OCA2: variants seen among roughly 807,000 people sequenced by gnomAD.
The protein encoded by OCA2 is P protein.
Under a neutral mutation model 100.2 loss-of-function variants are expected in OCA2, and 77 were observed. The observed-to-expected ratio is 0.77, with a 90% confidence interval of 0.64 to 0.93. The LOEUF (loss-of-function observed/expected upper bound fraction) is 0.93, where lower values mean the gene tolerates loss of function less well. Among genes scored for constraint, OCA2 ranks in the 40% least tolerant of loss-of-function variants. The pLI is 0.00. For synonymous variants in OCA2, 432 were observed against 439.2 expected, an observed-to-expected ratio of 0.98 and a Z score of 0.21; for missense variants, 1,062 against 1,089.1, an observed-to-expected ratio of 0.98 and a Z score of 0.35.
intron 23 of OCA2, among the ~76,000 whole-genome samples, chr15:27,808,927 G>C (rs2033967306): frequency 6.6e-6 from 1 of 152,132 alleles, no homozygotes; most frequent in Non-Finnish European, 1.5e-5. Flanking sequence ...TGGGATCGTG[G>C]GGTATGCCAT....
chr15:28,068,259 G>A lies in OCA2; in HGVS notation c.227+13389C>T, dbSNP rs1411604189. Reference sequence around the variant, plus strand: ...GAGAAGATCCAAATAAGCACAATCAGAAATGACGAAGATGACATTACAACT... The same window carrying A: ...GAGAAGATCCAAATAAGCACAATCAAAAATGACGAAGATGACATTACAACT... On this transcript the variant is annotated intron_variant, in intron 2 of 23. Transcript: ENST00000354638. 2.6e-5 allele frequency among the ~76,000 whole-genome samples: 4 copies of A among 152,202 alleles called. No individual in the cohort carries two copies. In the East Asian group the frequency reaches 7.7e-4, roughly 29 times the overall value.
intron 23 of OCA2, among the ~76,000 whole-genome samples, chr15:27,828,159 C>T (rs565919243): frequency 4.0e-4 from 61 of 152,320 alleles, no homozygotes; most frequent in African/African-American, 1.4e-3. Flanking sequence ...TTCCTACCTC[C>T]CGAACCCCTA....
At chr15:27,946,358 T>G in intron 18 of OCA2, among the ~76,000 whole-genome samples, 1 of 152,074 alleles carries the variant, frequency 6.6e-6, no homozygotes, top group East Asian at 1.9e-4. Context: ...AAACCTAACT[T>G]AATAGTATGC....
intron 2 of OCA2, among the ~76,000 whole-genome samples, chr15:28,069,561 C>T (rs868731192): frequency 0.057 from 8,001 of 139,238 alleles, 735 homozygotes; most frequent in African/African-American, 0.2. Context: ...TGCAGGCACG[C>T]GCCGCCACGC....
intron 18 of OCA2, among the ~76,000 whole-genome samples, chr15:27,943,302 A>G (rs1320180327): frequency 1.3e-5 from 2 of 152,210 alleles, no homozygotes; most frequent in Non-Finnish European, 2.9e-5. Flanking sequence ...AGGGATCTTC[A>G]GACCGATAGA....
chr15:27,963,270 C>T (rs901190764), intron 15 of OCA2, among the ~76,000 whole-genome samples: 1 of 152,146 alleles, frequency 6.6e-6, no homozygotes, highest in African/African-American at 2.4e-5. Context: ...ACATTATCAG[C>T]CAATCTGACC....
intron 1 of OCA2, 68 bp from the exon 2 acceptor site, chr15:28,081,963 GT>G (rs1413318378): frequency 7.8e-7 from 1 of 1,284,982 alleles, no homozygotes; most frequent in East Asian, 2.5e-5. Flanking sequence ...CACCTTGGGA[GT>G]CCGTACAATA....
At chr15:27,773,472 A>G (rs1271432538) in intron 23 of OCA2, among the ~76,000 whole-genome samples, 1 of 152,220 alleles carries the variant, frequency 6.6e-6, no homozygotes, top group Non-Finnish European at 1.5e-5. Flanking sequence ...ATTATTTACA[A>G]TATATGTCAT....
intron 23 of OCA2, among the ~76,000 whole-genome samples, chr15:27,771,731 CTTCT>C (rs1299918339): frequency 2.0e-5 from 3 of 152,128 alleles, no homozygotes; most frequent in Admixed American, 6.5e-5. Flanking sequence ...TGACTTTAAT[CTTCT>C]TTACCTCTGC....
the OCA2 span, among the ~76,000 whole-genome samples, chr15:27,734,286 CAAAAAAAAA>C: frequency 1.3e-5 from 1 of 76,370 alleles, no homozygotes; most frequent in Non-Finnish European, 2.6e-5. Context: ...TTTTCAAGAG[CAAAAAAAAA>C]AAAAAAAAAA....
rs2042344653 is a variant in OCA2, at chr15:28,014,943, C to T, written c.891-14G>A. 6.2e-7 allele frequency: 1 copy of T among 1,614,032 alleles called. No homozygotes were observed. Among genetic ancestry groups the T allele is most frequent in the South Asian group, 1.1e-5 (1 of 91,008 alleles). ...GACACCGTCTCTCTGCAGAACGAAA[C>T]AACGACCTTACTGTTCACAAGGTCA... is the stretch of plus-strand genomic sequence containing the variant. On this transcript the variant is annotated splice_polypyrimidine_tract_variant and intron_variant, in intron 8 of 23. Coordinates refer to ENST00000354638, the MANE Select transcript of OCA2 (RefSeq NM_000275.3).
At chr15:27,936,277 C>T (rs1351022602) in intron 18 of OCA2, among the ~76,000 whole-genome samples, 2 of 152,044 alleles carry the variant, frequency 1.3e-5, no homozygotes, top group African/African-American at 4.8e-5. Flanking sequence ...TAGGACAGGG[C>T]ACATGGGATG....
chr15:28,032,477 G>A (rs955564629), intron 2 of OCA2, among the ~76,000 whole-genome samples: 1 of 152,126 alleles, frequency 6.6e-6, no homozygotes, highest in Non-Finnish European at 1.5e-5. Context: ...TTCATGCAGA[G>A]CTTCTCATCA....
chr15:27,727,239 G>A, the OCA2 span, among the ~76,000 whole-genome samples: 2 of 152,218 alleles, frequency 1.3e-5, no homozygotes, highest in African/African-American at 2.4e-5. Flanking sequence ...CAGTCTCCTT[G>A]AGGATGAGAG....
chr15:27,984,291 G>C (rs1368875203), intron 13 of OCA2, among the ~76,000 whole-genome samples: 1 of 152,096 alleles, frequency 6.6e-6, no homozygotes, highest in East Asian at 1.9e-4. Context: ...CCAGTGCCTG[G>C]GAGTGGGCCC....
intron 23 of OCA2, among the ~76,000 whole-genome samples, chr15:27,843,020 G>T (rs1040771444): frequency 3.3e-5 from 5 of 152,150 alleles, no homozygotes; most frequent in African/African-American, 7.2e-5. Flanking sequence ...CTTGGGAAAA[G>T]ATCAGACTGG....
the OCA2 span, among the ~76,000 whole-genome samples, chr15:27,726,889 T>G: frequency 6.6e-6 from 1 of 152,250 alleles, no homozygotes; most frequent in Admixed American, 6.5e-5. Context: ...CAGGGGAACC[T>G]GAATCTTAAA....
chr15:27,901,437 C>T (rs1334629611), intron 19 of OCA2, among the ~76,000 whole-genome samples: 2 of 152,174 alleles, frequency 1.3e-5, no homozygotes, highest in South Asian at 2.1e-4. Context: ...TCTGGCCAGG[C>T]CACAGGTGAT....
chr15:27,825,174 G>A (rs914902805), intron 23 of OCA2, among the ~76,000 whole-genome samples: 9 of 152,110 alleles, frequency 5.9e-5, no homozygotes, highest in African/African-American at 1.4e-4. Flanking sequence ...AAGGACAGCC[G>A]GCCTCCTCCA....
Sources: allele counts gnomAD v4.1 joint callset (sites outside exome capture counted in the v4.1 genomes callset), GRCh38; gene constraint gnomAD v4.1.1; transcripts MANE v1.5; gene names NCBI Gene and HGNC (gene_info 2026-07-23, HGNC 2026-07-21).